The following ROBO1 variants were observed in gnomAD, a reference collection of about 807,000 sequenced individuals.
The protein encoded by ROBO1 is roundabout guidance receptor 1, also known as roundabout homolog 1.
In ROBO1, 149 loss-of-function variants were observed where a neutral mutation model predicts 195.9. The ratio of observed to expected loss-of-function variants is 0.76; its 90% CI spans 0.67 to 0.87. The LOEUF is 0.87. Ranked by LOEUF, ROBO1 falls within the 40% of genes least tolerant of loss-of-function variation. The pLI is 0.00. For missense variants in ROBO1, 1,933 were observed against 2,068.3 expected (o/e 0.93, Z 1.27); for synonymous variants, 816 against 733.2 (o/e 1.11, Z -1.82).
At chr3:79,761,993 CT>C (rs1438800110) in intron 1 of ROBO1, among the ~76,000 whole-genome samples, 2 of 152,084 alleles carry the variant, frequency 1.3e-5, no homozygotes, top group Non-Finnish European at 2.9e-5. Context: ...TTAAGGGCTA[CT>C]TTTTTCACTT....
intron 8 of ROBO1, among the ~76,000 whole-genome samples, chr3:78,703,335 G>A (rs888031550): frequency 2.6e-5 from 4 of 152,124 alleles, no homozygotes; most frequent in Non-Finnish European, 4.4e-5. Context: ...GAACAGTTAG[G>A]AGAGGGAGTT....
At position 79,440,602 on chromosome 3, in the gene ROBO1, T is replaced by C. The variant is rs144632936; in HGVS notation, c.88+149222A>G. On this transcript the variant is annotated intron_variant, in intron 2 of 30. Coordinates refer to ENST00000464233, the MANE Select transcript of ROBO1 (RefSeq NM_002941.4). ...CCCTTGTTTATATGTGTGTTCCCTATGCGCACTTCTTTGTTCTGGTGACAA... is the reference window on the plus strand; with the variant it reads ...CCCTTGTTTATATGTGTGTTCCCTACGCGCACTTCTTTGTTCTGGTGACAA... Among the ~76,000 whole-genome samples the C allele has an allele frequency of 2.8e-3, 421 of 152,250 alleles. 1 individual carries two copies. The highest frequency in any genetic ancestry group is 3.9e-3 in the Admixed American group (59 of 15,276).
At position 79,145,730 on chromosome 3, in the gene ROBO1, T is replaced by C. The variant is rs562939548; in HGVS notation, c.89-20191A>G. ...CCTGAATTTAAACCACAACCTTTTA[T>C]TCAATAAACTCTGACAGCTTGGGAG... On this transcript the variant is annotated intron_variant, in intron 2 of 30. Transcript: ENST00000464233. Among the ~76,000 whole-genome samples the C allele has an allele frequency of 2.6e-5, 4 of 152,162 alleles. No homozygotes were observed. In the East Asian group the frequency reaches 7.8e-4, roughly 30 times the overall value.
chr3:79,166,722 C>G (rs1482385560), intron 2 of ROBO1, among the ~76,000 whole-genome samples: 5 of 151,708 alleles, frequency 3.3e-5, no homozygotes, highest in Non-Finnish European at 7.4e-5. Context: ...CCCGCCACCA[C>G]GCCTGGCTAA....
chr3:79,194,408 A>G (rs933746796), intron 2 of ROBO1, among the ~76,000 whole-genome samples: 1 of 151,658 alleles, frequency 6.6e-6, no homozygotes, highest in Non-Finnish European at 1.5e-5. Context: ...TGATTAGGTC[A>G]CAATAGCATA....
intron 1 of ROBO1, among the ~76,000 whole-genome samples, chr3:79,751,794 A>G (rs1704140803): frequency 6.6e-6 from 1 of 152,180 alleles, no homozygotes; most frequent in Non-Finnish European, 1.5e-5. Flanking sequence ...AGGATCATTA[A>G]TGATTAGTCA....
intron 4 of ROBO1, among the ~76,000 whole-genome samples, chr3:78,895,016 C>T (rs147258995): frequency 6.6e-6 from 1 of 152,316 alleles, no homozygotes; most frequent in South Asian, 2.1e-4. Context: ...TCAGAGGCTG[C>T]ACCTCCAAAA....
intron 3 of ROBO1, among the ~76,000 whole-genome samples, chr3:78,994,925 G>C (rs570802928): frequency 6.6e-6 from 1 of 152,062 alleles, no homozygotes; most frequent in African/African-American, 2.4e-5. Flanking sequence ...AATTCACATC[G>C]TGTGTTTATA....
intron 4 of ROBO1, among the ~76,000 whole-genome samples, chr3:78,801,416 C>T (rs983980279): frequency 1.3e-5 from 2 of 152,028 alleles, no homozygotes; most frequent in South Asian, 2.1e-4. Context: ...TATACAAAAG[C>T]TTATATAAAA....
intron 1 of ROBO1, among the ~76,000 whole-genome samples, chr3:79,609,732 C>T (rs532074979): frequency 3.4e-4 from 52 of 151,854 alleles, no homozygotes; most frequent in Admixed American, 1.3e-3. Flanking sequence ...CATTATGCTA[C>T]GTGCCATAAG....
chr3:79,239,035 T>C (rs569022173), intron 2 of ROBO1, among the ~76,000 whole-genome samples: 2 of 152,322 alleles, frequency 1.3e-5, no homozygotes, highest in Admixed American at 1.3e-4. Context: ...AAAAGTCCTT[T>C]GGGATCGAGC....
In ROBO1 at chr3:78,935,366, T is replaced by C. The variant is rs138077295; in HGVS notation, c.499+3235A>G. Among the ~76,000 whole-genome samples, 1,353 of 152,116 alleles carry C rather than the reference T, an allele frequency of 8.9e-3. 22 individuals are homozygous for C. Among genetic ancestry groups the C allele is most frequent in the African/African-American group, 0.031 (1,297 of 41,550 alleles). ...TGACTGTATACTGCTTAGCAGATGA[T>C]GTAGAGAGCCATGTTCTACAATGGA... On this transcript the variant is annotated intron_variant, in intron 4 of 30. Transcript: ENST00000464233.
Position 79,173,754 on chromosome 3 carries a change from C to T in ROBO1, c.89-48215G>A, listed in dbSNP as rs148412872. 2.6e-3 allele frequency among the ~76,000 whole-genome samples: 392 copies of T among 152,260 alleles called. 2 individuals carry two copies. The highest frequency in any genetic ancestry group is 8.2e-3 in the African/African-American group (342 of 41,558). ...GGCAGCTCCACCTGTGGCCCCAGTGCGGGATCCACTGGGTAAAGTCAGCTG... is the reference window on the plus strand; with the variant it reads ...GGCAGCTCCACCTGTGGCCCCAGTGTGGGATCCACTGGGTAAAGTCAGCTG... On this transcript the variant is annotated intron_variant, in intron 2 of 30. Coordinates refer to ENST00000464233, the MANE Select transcript of ROBO1 (RefSeq NM_002941.4).
intron 1 of ROBO1, among the ~76,000 whole-genome samples, chr3:79,668,846 A>G (rs1946549319): frequency 6.6e-6 from 1 of 151,890 alleles, no homozygotes; most frequent in African/African-American, 2.4e-5. Flanking sequence ...ACGGGAATAG[A>G]TATCAACAGC....
chr3:78,656,951 T>A, intron 18 of ROBO1, 147 bp downstream of exon 18: 2 of 714,772 alleles, frequency 2.8e-6, no homozygotes, highest in Non-Finnish European at 4.4e-6. Flanking sequence ...ACATATTAAG[T>A]AAAGCTAACA....
intron 10 of ROBO1, among the ~76,000 whole-genome samples, chr3:78,671,231 A>C (rs1708048000): frequency 6.6e-6 from 1 of 152,180 alleles, no homozygotes; most frequent in Non-Finnish European, 1.5e-5. Flanking sequence ...TGTTGGAACT[A>C]GAATAAATCC....
At chr3:79,000,813 C>G (rs944210423) in intron 3 of ROBO1, among the ~76,000 whole-genome samples, 13 of 152,170 alleles carry the variant, frequency 8.5e-5, no homozygotes, top group African/African-American at 2.4e-4. Flanking sequence ...TATAAAGACA[C>G]ATGCACACGT....
At chr3:79,386,301 A>G (rs2036742996) in intron 2 of ROBO1, among the ~76,000 whole-genome samples, 1 of 152,138 alleles carries the variant, frequency 6.6e-6, no homozygotes, top group Non-Finnish European at 1.5e-5. Flanking sequence ...TTATTTTTGT[A>G]CAAACTCAAT....
At chr3:79,668,773 T>C (rs1946546778) in intron 1 of ROBO1, among the ~76,000 whole-genome samples, 1 of 151,648 alleles carries the variant, frequency 6.6e-6, no homozygotes, top group Admixed American at 6.6e-5. Context: ...AGAAAGACAA[T>C]TTTTGAGTTT....
Sources: gnomAD v4.1 joint callset for allele counts (sites outside exome capture counted in the v4.1 genomes callset) on GRCh38, gnomAD v4.1.1 for gene constraint, MANE v1.5 for transcripts, NCBI Gene and HGNC (gene_info 2026-07-23, HGNC 2026-07-21) for gene names.